Variants in EXT2 observed in about 807,000 individuals in gnomAD.
The protein encoded by EXT2 is exostosin-2.
EXT2 carries 53 observed loss-of-function variants against 81.6 expected under a neutral mutation model. The ratio of observed to expected loss-of-function variants is 0.65; its 90% CI spans 0.52 to 0.82. EXT2 has a LOEUF of 0.82. Ranked by LOEUF, EXT2 falls within the 40% of genes least tolerant of loss-of-function variation. The probability of loss-of-function intolerance (pLI) is 0.00; values close to 1 mark genes in which losing one functional copy is unlikely to be tolerated. For missense variants in EXT2, 774 were observed against 910.2 expected, an observed-to-expected ratio of 0.85 and a Z score of 1.93; for synonymous variants, 320 against 340.0, an observed-to-expected ratio of 0.94 and a Z score of 0.65.
chr11:44,114,224 C>G lies in EXT2; in HGVS notation c.666C>G (p.Tyr222Ter), dbSNP rs121918281. The G allele has an allele frequency of 6.2e-7, 1 of 1,614,092 alleles. No individual in the cohort carries two copies. Among genetic ancestry groups the G allele is most frequent in the Non-Finnish European group, 8.5e-7 (1 of 1,179,982 alleles). Residue 222 changes from tyrosine to a stop codon, truncating the protein, a stop_gained, in exon 4 of 14, where the codon TAC becomes TAG. Coordinates refer to ENST00000533608, the MANE Select transcript of EXT2 (RefSeq NM_207122.2). LOFTEE classifies it high-confidence loss of function. ...LAGGGFSTWTYRQGYDVSIPV... is the reference protein window; with the variant it reads ...LAGGGFSTWT ...GTGGCGGCTTTTCTACGTGGACTTA[C>G]CGGCAAGGCTACGATGTCAGCATTC... is the stretch of plus-strand genomic sequence containing the variant.
chr11:44,184,553 C>T lies in EXT2; in HGVS notation c.1305+12811C>T, dbSNP rs181354489. 5.5e-3 allele frequency among the ~76,000 whole-genome samples: 836 copies of T among 152,140 alleles called. 13 individuals are homozygous for T. The highest frequency in any genetic ancestry group is 0.019 in the African/African-American group (792 of 41,506). ...GATCACGAGGTCAGGAGATGGAGAC[C>T]ATCCTGGCTAACAAGGTGAAACCCC... On this transcript the variant is annotated intron_variant, in intron 8 of 13. Transcript: ENST00000533608.
chr11:44,234,327 T>A lies in EXT2; in HGVS notation c.1935+84T>A, dbSNP rs1955935521. On this transcript the variant is annotated intron_variant, in intron 12 of 13. Transcript: ENST00000533608. ...CCTAGGAAGTTCTTGTAACTATAAA[T>A]TAAATATAGGACTAGATAAACTTTA... is the stretch of plus-strand genomic sequence containing the variant. 27 of 1,332,454 alleles carry A rather than the reference T, an allele frequency of 2.0e-5. No individual in the cohort carries two copies. The East Asian group carries it at 6.5e-4, about 32-fold the overall frequency. 82.5% of individuals were successfully genotyped at this position (1,332,454 alleles called of 1,614,324 possible).
At chr11:44,188,744 A>G (rs913665901) in intron 8 of EXT2, among the ~76,000 whole-genome samples, 1 of 152,212 alleles carries the variant, frequency 6.6e-6, no homozygotes, top group African/African-American at 2.4e-5. Flanking sequence ...ATTGTTCAGA[A>G]TGCAGCCCAA....
intron 9 of EXT2, among the ~76,000 whole-genome samples, chr11:44,205,016 A>G (rs1249732694): frequency 6.6e-6 from 1 of 152,228 alleles, no homozygotes; most frequent in Admixed American, 6.5e-5. Flanking sequence ...TTCCAGATCC[A>G]GAGAAACATG....
intron 8 of EXT2, chr11:44,171,977 T>A: frequency 1.8e-6 from 1 of 565,320 alleles, no homozygotes; most frequent in African/African-American, 1.9e-5. Context: ...GACTGTCTAT[T>A]TATTGCAGAG....
chr11:44,214,593 A>G (rs1036977111), intron 10 of EXT2, among the ~76,000 whole-genome samples: 4 of 152,158 alleles, frequency 2.6e-5, no homozygotes, highest in Admixed American at 2.0e-4. Flanking sequence ...TACAAAATGT[A>G]TTGGTATAAA....
intron 9 of EXT2, among the ~76,000 whole-genome samples, chr11:44,198,974 T>A (rs1955491171): frequency 6.6e-6 from 1 of 152,260 alleles, no homozygotes; most frequent in Non-Finnish European, 1.5e-5. Flanking sequence ...AATTCTTTAG[T>A]TTCTCCTTTA....
At chr11:44,238,975 A>C (rs1203379458) in intron 13 of EXT2, among the ~76,000 whole-genome samples, 1 of 152,212 alleles carries the variant, frequency 6.6e-6, no homozygotes, top group Non-Finnish European at 1.5e-5. Context: ...TAGCTGGATC[A>C]AAGTATTGCT....
chr11:44,232,487 T>G lies in EXT2; in HGVS notation c.1797T>G (p.Phe599Leu). Reference sequence around the variant, plus strand: ...CCATGGTGCTCACTGGGGCAGCTTTTTATCACAAGGTAAGGGGGCGCAGTC... The same window carrying G: ...CCATGGTGCTCACTGGGGCAGCTTTGTATCACAAGGTAAGGGGGCGCAGTC... ...EVSMVLTGAAFYHKYFNYLYT... is the reference protein window; with the variant it reads ...EVSMVLTGAALYHKYFNYLYT... Residue 599 changes from phenylalanine to leucine, a missense_variant, in exon 11 of 14, where the codon TTT (phenylalanine) becomes TTG (leucine). Physicochemically the swap from Phe to Leu is conservative, Grantham distance 22. This residue lies in a region of EXT2 where 148 missense variants were observed against 239.7 expected (regional missense o/e 0.62). Coordinates refer to ENST00000533608, the MANE Select transcript of EXT2 (RefSeq NM_207122.2). The G allele has an allele frequency of 6.2e-7, 1 of 1,613,932 alleles. No homozygotes were observed. The highest frequency in any genetic ancestry group is 8.5e-7 in the Non-Finnish European group (1 of 1,179,904).
chr11:44,187,291 C>T (rs1000728197), intron 8 of EXT2, among the ~76,000 whole-genome samples: 7 of 138,688 alleles, frequency 5.0e-5, no homozygotes, highest in African/African-American at 1.7e-4. Context: ...AATCCTCCTG[C>T]TTCAGCCTCC....
chr11:44,245,222 G>A lies in EXT2; in HGVS notation c.*935G>A, dbSNP rs930650718. ...AAAACAGAGGGTCTGTACTAGCCAT[G>A]CAAGGAGTCGCTCTAGCTGGTACCC... is the stretch of plus-strand genomic sequence containing the variant. On this transcript the variant is annotated 3_prime_UTR_variant, in exon 14 of 14. Coordinates refer to ENST00000533608, the MANE Select transcript of EXT2 (RefSeq NM_207122.2). 2.6e-5 allele frequency: 6 copies of A among 227,840 alleles called. No individual in the cohort carries two copies. The highest frequency in any genetic ancestry group is 5.2e-5 in the Non-Finnish European group (6 of 114,406). 14.1% of individuals were successfully genotyped at this position (227,840 alleles called of 1,614,324 possible).
chr11:44,138,472 A>C (rs1008150487), intron 7 of EXT2, among the ~76,000 whole-genome samples: 4 of 151,678 alleles, frequency 2.6e-5, no homozygotes. Flanking sequence ...TTCATGGTGT[A>C]CTGCAGTATT....
At position 44,250,442 on chromosome 11, in the gene EXT2, C is replaced by CT. The variant is rs1425479836; in HGVS notation, c.*6159dup. ...GGAATGATGTATCATATCTCTTCCC[C>CT]TTTTATTAACCAGATCGTTTACCAG... On this transcript the variant is annotated 3_prime_UTR_variant, in exon 14 of 14. Coordinates refer to ENST00000533608, the MANE Select transcript of EXT2 (RefSeq NM_207122.2). Among the ~76,000 whole-genome samples the CT allele has an allele frequency of 2.6e-5, 4 of 152,164 alleles. No homozygotes were observed. Among genetic ancestry groups the CT allele is most frequent in the African/African-American group, 9.7e-5 (4 of 41,436 alleles).
chr11:44,195,776 C>T (rs909549880), intron 8 of EXT2, among the ~76,000 whole-genome samples: 1 of 152,192 alleles, frequency 6.6e-6, no homozygotes, highest in African/African-American at 2.4e-5. Context: ...ACATTTCATT[C>T]TCAGCCACCT....
intron 7 of EXT2, among the ~76,000 whole-genome samples, chr11:44,169,135 G>A (rs1433627669): frequency 4.6e-5 from 7 of 152,140 alleles, no homozygotes; most frequent in African/African-American, 9.6e-5. Context: ...CAGGAGAATC[G>A]TTTGAACCTG....
chr11:44,239,689 C>CTTTTTTTTT (rs397849292), intron 13 of EXT2, among the ~76,000 whole-genome samples: 1 of 85,340 alleles, frequency 1.2e-5, no homozygotes, highest in Non-Finnish European at 2.2e-5. Context: ...CCCTGCCTGG[C>CTTTTTTTTT]TTTTTTTTTT....
chr11:44,133,865 G>C (rs1954528490), intron 7 of EXT2, among the ~76,000 whole-genome samples: 1 of 152,174 alleles, frequency 6.6e-6, no homozygotes, highest in Non-Finnish European at 1.5e-5. Context: ...TGTCTAAAGT[G>C]GTGAAAGTCC....
At chr11:44,178,745 C>A (rs188343163) in intron 8 of EXT2, among the ~76,000 whole-genome samples, 4 of 152,076 alleles carry the variant, frequency 2.6e-5, no homozygotes, top group African/African-American at 7.2e-5. Context: ...CCCTGCCCCC[C>A]AGGAGGCCTT....
Position 44,197,815 on chromosome 11 carries a change from C to A in EXT2, c.1306-14C>A, listed in dbSNP as rs1051825327. 1.9e-5 allele frequency: 31 copies of A among 1,613,678 alleles called. No individual in the cohort carries two copies. The highest frequency in any genetic ancestry group is 2.5e-5 in the Non-Finnish European group (30 of 1,179,866). Reference sequence around the variant, plus strand: ...AGCTGCTTTTCTGACCCGTGTTAATCTGTCCTCTTGTAGAAGTGGGGCAGC... The same window carrying A: ...AGCTGCTTTTCTGACCCGTGTTAATATGTCCTCTTGTAGAAGTGGGGCAGC... On this transcript the variant is annotated splice_polypyrimidine_tract_variant and intron_variant, in intron 8 of 13. Coordinates refer to ENST00000533608, the MANE Select transcript of EXT2 (RefSeq NM_207122.2).
Sources: allele counts gnomAD v4.1 joint callset (sites outside exome capture counted in the v4.1 genomes callset), GRCh38; gene constraint gnomAD v4.1.1; regional missense constraint gnomAD v4.1.1; transcripts MANE v1.5; gene names NCBI Gene and HGNC (gene_info 2026-07-23, HGNC 2026-07-21).